PDE9A: variants seen among roughly 807,000 people sequenced by gnomAD.
PDE9A encodes phosphodiesterase 9A.
PDE9A carries 60 observed loss-of-function variants against 87.4 expected under a neutral mutation model. The observed-to-expected ratio is 0.69, with a 90% CI of 0.56 to 0.85. The LOEUF (loss-of-function observed/expected upper bound fraction) is 0.85, where lower values mean the gene tolerates loss of function less well. Ranked by LOEUF, PDE9A falls within the 40% of genes least tolerant of loss-of-function variation. PDE9A has a pLI of 0.00. For synonymous variants in PDE9A, 272 were observed against 279.4 expected, an observed-to-expected ratio of 0.97 and a Z score of 0.27; for missense variants, 665 against 779.0, an observed-to-expected ratio of 0.85 and a Z score of 1.74.
At chr21:42,673,759 C>T (rs2058686948) in intron 1 of PDE9A, among the ~76,000 whole-genome samples, 1 of 152,140 alleles carries the variant, frequency 6.6e-6, no homozygotes. Flanking sequence ...AATCCAGAAC[C>T]GCCCTCCTCG....
chr21:42,686,059 C>T (rs2059443141), intron 1 of PDE9A, 133 bp from the exon 2 acceptor site: 6 of 643,696 alleles, frequency 9.3e-6, no homozygotes, highest in Middle Eastern at 5.0e-4. Context: ...GTGACATTCC[C>T]GTGCGTAGAG....
rs867529934 is a variant in PDE9A, at chr21:42,711,262, T to G, written c.262+12251T>G. On this transcript the variant is annotated intron_variant, in intron 4 of 19. Coordinates refer to ENST00000291539, the MANE Select transcript of PDE9A (RefSeq NM_002606.3). ...GTGTCTTCTCTAATAAGTTTTGTTT[T>G]TTTTTTTTTTTGAGACAAGGTTTCT... 2.0e-4 allele frequency among the ~76,000 whole-genome samples: 30 copies of G among 151,576 alleles called. 1 individual carries two copies. The highest frequency in any genetic ancestry group is 7.3e-4 in the African/African-American group (30 of 41,274).
chr21:42,715,876 C>T (rs1434968549), intron 4 of PDE9A, among the ~76,000 whole-genome samples: 4 of 151,694 alleles, frequency 2.6e-5, no homozygotes, highest in Non-Finnish European at 5.9e-5. Context: ...CAGACAGAAT[C>T]GGTTCACTGC....
At chr21:42,712,193 G>T (rs1447794807) in intron 4 of PDE9A, among the ~76,000 whole-genome samples, 4 of 152,090 alleles carry the variant, frequency 2.6e-5, no homozygotes, top group African/African-American at 9.7e-5. Flanking sequence ...ACTTATTTAG[G>T]TCTCATTTAA....
At chr21:42,771,527 G>A (rs779728585) in intron 18 of PDE9A, among the ~76,000 whole-genome samples, 5 of 152,340 alleles carry the variant, frequency 3.3e-5, no homozygotes, top group Middle Eastern at 3.4e-3. Flanking sequence ...GGCCTTGGCC[G>A]GTGTTGCCTC....
At chr21:42,731,408 C>G (rs915866939) in intron 4 of PDE9A, among the ~76,000 whole-genome samples, 1 of 152,158 alleles carries the variant, frequency 6.6e-6, no homozygotes, top group Non-Finnish European at 1.5e-5. Flanking sequence ...AGAGACCGCT[C>G]CCTTCCTTAG....
chr21:42,683,851 G>A (rs903644328), intron 1 of PDE9A, among the ~76,000 whole-genome samples: 9 of 152,210 alleles, frequency 5.9e-5, no homozygotes, highest in African/African-American at 2.2e-4. Context: ...TGCACTCTGA[G>A]GGGCTGGGAC....
intron 14 of PDE9A, among the ~76,000 whole-genome samples, chr21:42,765,145 G>A (rs1244748412): frequency 6.6e-6 from 1 of 152,052 alleles, no homozygotes; most frequent in Non-Finnish European, 1.5e-5. Flanking sequence ...AAGGGCAGAT[G>A]GATGGGTGGA....
Position 42,775,410 on chromosome 21 carries a change from C to A in PDE9A, c.*117C>A, listed in dbSNP as rs529580980. 2.7e-5 allele frequency: 20 copies of A among 738,614 alleles called. No homozygotes were observed. In the South Asian group the frequency reaches 3.9e-4, roughly 15 times the overall value. 45.8% of individuals were successfully genotyped at this position (738,614 alleles called of 1,614,324 possible). A position where few individuals can be genotyped will look rare whatever the true frequency, so the allele number is the denominator to read the frequency against. ...CCACAAGACCATGTTTTCTAAGAAC[C>A]ATTTTGTTCACTGATACAAAAAAAA... On this transcript the variant is annotated 3_prime_UTR_variant, in exon 20 of 20. Transcript: ENST00000291539.
At position 42,760,225 on chromosome 21, in the gene PDE9A, T is replaced by G. The variant is rs2147094696; in HGVS notation, c.898-103T>G. On this transcript the variant is annotated intron_variant, in intron 11 of 19. Transcript: ENST00000291539. This position sits in a 1 kb window ranked among gnomAD's most constrained non-coding sequence, Gnocchi z 5.2. ...TTGACCTCTGGTTGGGATGAGGGTT[T>G]GGCAGAGAATGTTCAAACCAGCGCA... is the stretch of plus-strand genomic sequence containing the variant. 4 of 702,314 alleles carry G rather than the reference T, an allele frequency of 5.7e-6. No homozygotes were observed. The Admixed American group carries it at 6.0e-5, about 11-fold the overall frequency. The allele number at this position is 702,314 out of a possible 1,614,324, so 43.5% of individuals were successfully genotyped here. A position where few individuals can be genotyped will look rare whatever the true frequency, so the allele number is the denominator to read the frequency against.
chr21:42,759,802 G>C lies in PDE9A; in HGVS notation c.898-526G>C, dbSNP rs1397307099. Among the ~76,000 whole-genome samples the C allele has an allele frequency of 6.8e-6, 1 of 148,012 alleles. No homozygotes were observed. Among genetic ancestry groups the C allele is most frequent in the Non-Finnish European group, 1.5e-5 (1 of 66,660 alleles). On this transcript the variant is annotated intron_variant, in intron 11 of 19. Coordinates refer to ENST00000291539, the MANE Select transcript of PDE9A (RefSeq NM_002606.3). The surrounding 1 kb of genome is among the most constrained non-coding windows in gnomAD (Gnocchi z 7.2). ...CTGGATGTGGGGGTGTGTGAGGGTGGATGTGTGCATGTGTGTGTGTGGATG... is the reference window on the plus strand; with the variant it reads ...CTGGATGTGGGGGTGTGTGAGGGTGCATGTGTGCATGTGTGTGTGTGGATG...
At chr21:42,745,029 G>A (rs566517032) in intron 8 of PDE9A, among the ~76,000 whole-genome samples, 2 of 152,328 alleles carry the variant, frequency 1.3e-5, no homozygotes, top group African/African-American at 4.8e-5. Flanking sequence ...GGGACTAATG[G>A]ACTGAGAAAC....
At chr21:42,754,562 A>G (rs1162530395) in intron 10 of PDE9A, among the ~76,000 whole-genome samples, 1 of 152,268 alleles carries the variant, frequency 6.6e-6, no homozygotes. Flanking sequence ...CACCTTCTGC[A>G]GCAAGGCTTG....
rs1638386897 is a variant in PDE9A at position 42,660,640 on chromosome 21, AG to A, written c.69+6758del. 6.7e-6 allele frequency among the ~76,000 whole-genome samples: 1 copy of A among 149,716 alleles called. No homozygotes were observed. Among genetic ancestry groups the A allele is most frequent in the Admixed American group, 6.6e-5 (1 of 15,120 alleles). On this transcript the variant is annotated intron_variant, in intron 1 of 19. Transcript: ENST00000291539. This position sits in a 1 kb window ranked among gnomAD's most constrained non-coding sequence, Gnocchi z 4.7. ...CTATTGGAATTAAAAAAAAAAAAAA[AG>A]ATTAAAATGGTTAAAAATAGAAAGT...
intron 1 of PDE9A, among the ~76,000 whole-genome samples, chr21:42,657,808 G>A (rs574549450): frequency 5.2e-4 from 79 of 152,308 alleles, no homozygotes; most frequent in African/African-American, 1.8e-3. Flanking sequence ...CGGCCCCCTC[G>A]GGACACTCGC....
intron 4 of PDE9A, among the ~76,000 whole-genome samples, chr21:42,711,570 C>G (rs937013982): frequency 2.6e-5 from 4 of 152,056 alleles, no homozygotes; most frequent in African/African-American, 9.7e-5. Flanking sequence ...AGTGAGCCAC[C>G]ATGCCTGGCC....
At chr21:42,764,432 G>A (rs1003720010) in intron 14 of PDE9A, among the ~76,000 whole-genome samples, 5 of 152,198 alleles carry the variant, frequency 3.3e-5, no homozygotes, top group Non-Finnish European at 5.9e-5. Flanking sequence ...AAGAGAGAAC[G>A]CTGCATCTGC....
At chr21:42,700,130 CT>C (rs1328230115) in intron 4 of PDE9A, among the ~76,000 whole-genome samples, 2 of 152,096 alleles carry the variant, frequency 1.3e-5, no homozygotes, top group African/African-American at 4.8e-5. Context: ...TATATGTACT[CT>C]TTTTGACTCA....
rs892519253 is a variant in PDE9A at position 42,704,528 on chromosome 21, A to G, written c.262+5517A>G. Among the ~76,000 whole-genome samples the G allele has an allele frequency of 6.0e-5, 9 of 151,030 alleles. No individual in the cohort carries two copies. Among genetic ancestry groups the G allele is most frequent in the African/African-American group, 2.2e-4 (9 of 40,902 alleles). The stretch of plus-strand genomic sequence containing the variant: ...TTTCCATTTGGGGTTTGTCCTTAGG[A>G]ATTCTTCACTCTCTCTATGGCAACA... On this transcript the variant is annotated intron_variant, in intron 4 of 19. Coordinates refer to ENST00000291539, the MANE Select transcript of PDE9A (RefSeq NM_002606.3). This position sits in a 1 kb window ranked among gnomAD's most constrained non-coding sequence, Gnocchi z 5.3.
Sources: allele counts gnomAD v4.1 joint callset (sites outside exome capture counted in the v4.1 genomes callset), GRCh38; gene constraint gnomAD v4.1.1; non-coding constraint Gnocchi (gnomAD v3.1); transcripts MANE v1.5; gene names NCBI Gene and HGNC (gene_info 2026-07-23, HGNC 2026-07-21).